Variants in BACH2 observed in about 807,000 individuals in gnomAD.
The protein encoded by BACH2 is transcription regulator protein BACH2.
A neutral mutation model predicts 61.8 loss-of-function variants in BACH2; 5 were observed. The observed-to-expected ratio is 0.08, with a 90% CI of 0.04 to 0.17. The LOEUF (loss-of-function observed/expected upper bound fraction) is 0.17, where lower values mean the gene tolerates loss of function less well. Among genes scored for constraint, BACH2 ranks in the 10% least tolerant of loss-of-function variants. BACH2 has a pLI of 1.00. For synonymous variants in BACH2, 446 were observed against 440.1 expected (o/e 1.01, Z -0.17); for missense variants, 824 against 1,091.1 (o/e 0.76, Z 3.45).
At chr6:90,129,406 C>T (rs541797252) in intron 4 of BACH2, among the ~76,000 whole-genome samples, 3 of 151,988 alleles carry the variant, frequency 2.0e-5, no homozygotes, top group Non-Finnish European at 4.4e-5. Flanking sequence ...CGTGCCATGG[C>T]GGTTTGCTGC....
At chr6:90,161,797 A>G (rs1785200633) in intron 4 of BACH2, among the ~76,000 whole-genome samples, 1 of 152,284 alleles carries the variant, frequency 6.6e-6, no homozygotes, top group East Asian at 1.9e-4. Flanking sequence ...GCCAGTGCCA[A>G]CCACAGACAG....
rs551898753 is a variant in BACH2, at chr6:90,129,069, G to A, written c.-161-39960C>T. On this transcript the variant is annotated intron_variant, in intron 4 of 8. Transcript: ENST00000257749. ...ACACACTGGGGCCTGTTGTGGGGTG[G>A]GGATGGGGGAAGGGTGAAGGGATAG... is the stretch of plus-strand genomic sequence containing the variant. Among the ~76,000 whole-genome samples the A allele has an allele frequency of 3.9e-5, 6 of 151,918 alleles. No homozygotes were observed. The East Asian group carries it at 1.2e-3, about 30-fold the overall frequency.
intron 1 of BACH2, among the ~76,000 whole-genome samples, chr6:90,287,294 G>A (rs942542709): frequency 6.6e-6 from 1 of 152,176 alleles, no homozygotes; most frequent in African/African-American, 2.4e-5. Flanking sequence ...GTCAAATTGG[G>A]ACACACCAAT....
In BACH2 at chr6:89,932,263, C is replaced by T. The variant is rs867357454; in HGVS notation, c.*145G>A. 1.5e-5 allele frequency: 16 copies of T among 1,076,040 alleles called. No homozygotes were observed. The highest frequency in any genetic ancestry group is 1.9e-5 in the Non-Finnish European group (14 of 744,868). The allele number at this position is 1,076,040 out of a possible 1,614,324, so 66.7% of individuals were successfully genotyped here. A position where few individuals can be genotyped will look rare whatever the true frequency, so the allele number is the denominator to read the frequency against. On this transcript the variant is annotated 3_prime_UTR_variant, in exon 9 of 9. Coordinates refer to ENST00000257749, the MANE Select transcript of BACH2 (RefSeq NM_021813.4). ...TGCTCGAGAAGAGGAGAGGATACTT[C>T]GGAACAGTATTGCTGCTAAGACCGC...
At chr6:90,133,460 T>A (rs1784145971) in intron 4 of BACH2, among the ~76,000 whole-genome samples, 1 of 152,170 alleles carries the variant, frequency 6.6e-6, no homozygotes, top group African/African-American at 2.4e-5. Flanking sequence ...TATAATTCAG[T>A]ATGTAAGGAA....
intron 6 of BACH2, among the ~76,000 whole-genome samples, chr6:89,986,235 T>C (rs562017587): frequency 2.6e-5 from 4 of 151,426 alleles, no homozygotes; most frequent in Admixed American, 1.3e-4. Context: ...TTTTTTTTTT[T>C]CCTGTGGGGT....
chr6:90,068,554 C>CA (rs1465046365), intron 5 of BACH2, among the ~76,000 whole-genome samples: 3 of 152,032 alleles, frequency 2.0e-5, no homozygotes, highest in Non-Finnish European at 4.4e-5. Flanking sequence ...ACCCAAGAGT[C>CA]AAGAGCCATG....
At chr6:89,960,142 A>G (rs909383788) in intron 6 of BACH2, among the ~76,000 whole-genome samples, 1 of 152,110 alleles carries the variant, frequency 6.6e-6, no homozygotes, top group Non-Finnish European at 1.5e-5. Context: ...GTCATTAATC[A>G]TTAGGTTAGC....
chr6:90,103,051 T>TTTTTTTTTTTTA (rs1554246299), intron 4 of BACH2, among the ~76,000 whole-genome samples: 1 of 130,650 alleles, frequency 7.7e-6, no homozygotes, highest in African/African-American at 3.1e-5. Context: ...TTTTTTTTTT[T>TTTTTTTTTTTTA]ACCAGACTAT....
At chr6:90,069,662 C>T (rs1781131016) in intron 5 of BACH2, among the ~76,000 whole-genome samples, 2 of 152,170 alleles carry the variant, frequency 1.3e-5, no homozygotes, top group South Asian at 4.1e-4. Context: ...CAAAATGCTA[C>T]ACATAACATC....
At chr6:90,156,671 T>C (rs1329339332) in intron 4 of BACH2, among the ~76,000 whole-genome samples, 1 of 152,136 alleles carries the variant, frequency 6.6e-6, no homozygotes, top group African/African-American at 2.4e-5. Flanking sequence ...TTAGGCTAAG[T>C]TGTGTTATAT....
At position 90,017,937 on chromosome 6, in the gene BACH2, G is replaced by T. The variant is rs535644114; in HGVS notation, c.-12-9081C>A. On this transcript the variant is annotated intron_variant, in intron 5 of 8. Transcript: ENST00000257749. ...GTTCCCATAAATAATCTTGAGCTTTGTTCTAAGACACAGTTGAGTTACCTG... is the reference window on the plus strand; with the variant it reads ...GTTCCCATAAATAATCTTGAGCTTTTTTCTAAGACACAGTTGAGTTACCTG... Among the ~76,000 whole-genome samples, 8 of 152,190 alleles carry T rather than the reference G, an allele frequency of 5.3e-5. No individual in the cohort carries two copies. The East Asian group carries it at 1.5e-3, about 29-fold the overall frequency.
At chr6:90,067,676 C>T (rs1337843917) in intron 5 of BACH2, among the ~76,000 whole-genome samples, 1 of 152,156 alleles carries the variant, frequency 6.6e-6, no homozygotes, top group African/African-American at 2.4e-5. Flanking sequence ...CTGGTTGACT[C>T]ATTGGTTCAT....
At chr6:89,965,621 G>A (rs1332023858) in intron 6 of BACH2, among the ~76,000 whole-genome samples, 4 of 152,254 alleles carry the variant, frequency 2.6e-5, no homozygotes, top group South Asian at 2.1e-4. Flanking sequence ...TGCCCACTTG[G>A]GCAAGCAATT....
At chr6:90,129,372 G>T (rs1230155830) in intron 4 of BACH2, among the ~76,000 whole-genome samples, 1 of 152,088 alleles carries the variant, frequency 6.6e-6, no homozygotes, top group Non-Finnish European at 1.5e-5. Context: ...TGCAGAATGT[G>T]CAGGTTTGTT....
intron 5 of BACH2, among the ~76,000 whole-genome samples, chr6:90,044,072 G>A (rs1385326616): frequency 6.6e-6 from 1 of 152,148 alleles, no homozygotes; most frequent in Non-Finnish European, 1.5e-5. Context: ...TGAGGATATA[G>A]CAATGAACAA....
chr6:90,290,296 T>A (rs1474528267), intron 1 of BACH2, among the ~76,000 whole-genome samples: 1 of 152,222 alleles, frequency 6.6e-6, no homozygotes, highest in Non-Finnish European at 1.5e-5. Flanking sequence ...ATGAAATACT[T>A]TCCTTCACGA....
chr6:89,971,513 A>C (rs1245015144), intron 6 of BACH2, among the ~76,000 whole-genome samples: 3 of 152,194 alleles, frequency 2.0e-5, no homozygotes, highest in Non-Finnish European at 4.4e-5. Flanking sequence ...GTCAACAGGT[A>C]ATCACAACAC....
In BACH2 at chr6:90,014,436, GTGTGTATA is replaced by G. The variant is rs1422056980; in HGVS notation, c.-12-5588_-12-5581del. 8.6e-4 allele frequency among the ~76,000 whole-genome samples: 57 copies of G among 65,908 alleles called. No homozygotes were observed. In the East Asian group the frequency reaches 0.022, roughly 26 times the overall value. The allele number at this position is 65,908 out of a possible 152,430, so 43.2% of individuals were successfully genotyped here. On this transcript the variant is annotated intron_variant, in intron 5 of 8. Transcript: ENST00000257749. ...GGCATAAAATTGTGTGTGTGTGTGT[GTGTGTATA>G]TATATATATATATATATATATATAT...
Sources: allele counts gnomAD v4.1 joint callset (sites outside exome capture counted in the v4.1 genomes callset), GRCh38; gene constraint gnomAD v4.1.1; transcripts MANE v1.5; gene names NCBI Gene and HGNC (gene_info 2026-07-23, HGNC 2026-07-21).